Variants in FRMPD1 observed in about 807,000 individuals in gnomAD.
FRMPD1 encodes FERM and PDZ domain-containing protein 1.
FRMPD1 carries 76 observed loss-of-function variants against 117.8 expected under a neutral mutation model. The ratio of observed to expected loss-of-function variants is 0.65; its 90% CI spans 0.54 to 0.78. The LOEUF is 0.78. FRMPD1 is among the 30% of genes least tolerant of loss of function. The pLI, the probability that FRMPD1 is intolerant of heterozygous loss-of-function variation, is 0.00. For synonymous variants in FRMPD1, 783 were observed against 770.4 expected (o/e 1.02, Z -0.27); for missense variants, 1,786 against 1,964.5 (o/e 0.91, Z 1.72).
At chr9:37,629,788 C>A in the FRMPD1 span, among the ~76,000 whole-genome samples, 90,097 of 151,982 alleles carry the variant, frequency 0.59, 27,772 homozygotes, top group Non-Finnish European at 0.68. Flanking sequence ...GCCTGCCCTG[C>A]CTTCCTCCTG....
intron 2 of FRMPD1, among the ~76,000 whole-genome samples, chr9:37,706,650 A>G (rs1290729935): frequency 6.6e-6 from 1 of 152,220 alleles, no homozygotes; most frequent in Non-Finnish European, 1.5e-5. Context: ...GCTTTTAAGG[A>G]ACATACATGT....
chr9:37,675,206 C>A (rs1187583177), intron 1 of FRMPD1, among the ~76,000 whole-genome samples: 2 of 151,960 alleles, frequency 1.3e-5, no homozygotes, highest in Admixed American at 6.6e-5. Flanking sequence ...TTGGATCACT[C>A]TAAGTCAGGA....
chr9:37,634,944 T>C, the FRMPD1 span, among the ~76,000 whole-genome samples: 1 of 152,108 alleles, frequency 6.6e-6, no homozygotes, highest in Non-Finnish European at 1.5e-5. Flanking sequence ...TGTGTTCTTA[T>C]TGTTCTGGAG....
the FRMPD1 span, among the ~76,000 whole-genome samples, chr9:37,623,584 G>A: frequency 3.7e-3 from 558 of 152,308 alleles, 4 homozygotes; most frequent in African/African-American, 0.012. Flanking sequence ...AAGACATAGG[G>A]GAGTCATAGA....
chr9:37,662,713 T>A (rs1012609475), intron 1 of FRMPD1, among the ~76,000 whole-genome samples: 1 of 152,048 alleles, frequency 6.6e-6, no homozygotes, highest in African/African-American at 2.4e-5. Flanking sequence ...GTATGGAAAA[T>A]CCCAGCAGAG....
chr9:37,730,914 T>C (rs1823846934), intron 8 of FRMPD1, 70 bp from the exon 9 acceptor site: 1 of 1,487,564 alleles, frequency 6.7e-7, no homozygotes, highest in East Asian at 2.3e-5. Flanking sequence ...TTTTATAGAG[T>C]GGTTTTGTGG....
At chr9:37,645,163 T>C in the FRMPD1 span, among the ~76,000 whole-genome samples, 13 of 150,766 alleles carry the variant, frequency 8.6e-5, no homozygotes, top group African/African-American at 2.9e-4. Context: ...GAGTAATAGA[T>C]GCTGAACCCA....
At position 37,745,334 on chromosome 9, in the gene FRMPD1, A is replaced by C. The variant is rs757378854; in HGVS notation, c.3302A>C (p.Lys1101Thr). The change falls in exon 16 of 16, where the codon AAG (lysine) becomes ACG (threonine). Residue 1101 changes from lysine to threonine, a missense_variant. Lys to Thr is a moderately conservative substitution (Grantham distance 78). Transcript: ENST00000377765. ...GAGAAGATAGCTTCTATCCCTACAA[A>C]GGAAGAGCCACAAGGACAACTATCT... ...PGEKIASIPTKEEPQGQLSLE... is the reference protein window; with the variant it reads ...PGEKIASIPTTEEPQGQLSLE... 8 of 1,612,712 alleles carry C rather than the reference A, an allele frequency of 5.0e-6. No individual in the cohort carries two copies. The highest frequency in any genetic ancestry group is 1.7e-6 in the Non-Finnish European group (2 of 1,178,656).
the FRMPD1 span, among the ~76,000 whole-genome samples, chr9:37,604,395 T>C: frequency 1.3e-5 from 2 of 152,168 alleles, no homozygotes; most frequent in Admixed American, 6.5e-5. Flanking sequence ...AACAGCGTGA[T>C]TGTTAAAAAT....
intron 2 of FRMPD1, among the ~76,000 whole-genome samples, chr9:37,698,068 C>T (rs189390072): frequency 6.6e-5 from 10 of 151,918 alleles, no homozygotes; most frequent in South Asian, 2.1e-4. Flanking sequence ...GAGCCAAGAT[C>T]GTGCCACTGC....
At chr9:37,645,863 A>G in the FRMPD1 span, among the ~76,000 whole-genome samples, 6,014 of 152,292 alleles carry the variant, frequency 0.039, 416 homozygotes, top group African/African-American at 0.14. Flanking sequence ...CTTTGTGACT[A>G]TAACACTTTA....
the FRMPD1 span, among the ~76,000 whole-genome samples, chr9:37,633,722 A>G: frequency 2.6e-5 from 4 of 152,204 alleles, no homozygotes; most frequent in African/African-American, 9.7e-5. Flanking sequence ...TTAGCTGGGC[A>G]TGGTAGCATG....
chr9:37,667,062 C>CTTTTTTTTTTTTTTTTTTTT (rs573955616), intron 1 of FRMPD1, among the ~76,000 whole-genome samples: 3 of 111,054 alleles, frequency 2.7e-5, no homozygotes, highest in Admixed American at 9.7e-5. Context: ...TTGAAGCATG[C>CTTTTTTTTTTTTTTTTTTTT]TTTTTTTTTT....
chr9:37,606,456 A>G, the FRMPD1 span, among the ~76,000 whole-genome samples: 3 of 152,156 alleles, frequency 2.0e-5, no homozygotes, highest in South Asian at 2.1e-4. Context: ...GACAAACTTT[A>G]TGGTCACACT....
intron 5 of FRMPD1, among the ~76,000 whole-genome samples, chr9:37,713,079 A>G (rs888488727): frequency 1.3e-5 from 2 of 152,010 alleles, no homozygotes; most frequent in South Asian, 2.1e-4. Context: ...ATTAATATAT[A>G]TACTTAATAC....
At position 37,746,749 on chromosome 9, in the gene FRMPD1, C is replaced by G. The variant is rs150663101; in HGVS notation, c.4717C>G (p.Arg1573Gly). Reference protein sequence around the residue: ...AAVFCLTQKFRASTAL With the variant: ...AAVFCLTQKFGASTAL ...CGTGTTCTGTTTGACCCAGAAGTTC[C>G]GGGCATCCACGGCCCTGTAAACAGG... The change falls in exon 16 of 16, where the codon CGG (arginine) becomes GGG (glycine). Residue 1573 changes from arginine to glycine, a missense_variant. Transcript: ENST00000377765. 174 of 1,613,722 alleles carry G rather than the reference C, an allele frequency of 1.1e-4. No individual in the cohort carries two copies. The highest frequency in any genetic ancestry group is 1.4e-4 in the Non-Finnish European group (160 of 1,179,916).
At chr9:37,711,943 G>A (rs1180793308) in intron 5 of FRMPD1, among the ~76,000 whole-genome samples, 3 of 152,154 alleles carry the variant, frequency 2.0e-5, no homozygotes, top group African/African-American at 4.8e-5. Context: ...TTTAGGGAAA[G>A]TATATAATCA....
In FRMPD1 at chr9:37,745,618, C is replaced by G. The variant is rs746720540; in HGVS notation, c.3586C>G (p.Gln1196Glu). ...REPPGQGCQA[Q>E]EQKLFVELDL... ...ACCCCCAGGGCAAGGCTGCCAGGCTCAAGAACAAAAACTATTCGTAGAGTT... is the reference window on the plus strand; with the variant it reads ...ACCCCCAGGGCAAGGCTGCCAGGCTGAAGAACAAAAACTATTCGTAGAGTT... The change falls in exon 16 of 16, where the codon CAA becomes GAA. Residue 1196 changes from glutamine to glutamate, a missense_variant. Transcript: ENST00000377765. 1 of 1,614,190 alleles carries G rather than the reference C, an allele frequency of 6.2e-7. No individual in the cohort carries two copies. The highest frequency in any genetic ancestry group is 1.6e-4 in the Middle Eastern group (1 of 6,062).
chr9:37,604,993 T>C, the FRMPD1 span, among the ~76,000 whole-genome samples: 3 of 152,230 alleles, frequency 2.0e-5, no homozygotes, highest in African/African-American at 4.8e-5. Context: ...AAGTCAGGCA[T>C]AGAGAGGTTA....
Sources: gnomAD v4.1 joint callset for allele counts (sites outside exome capture counted in the v4.1 genomes callset) on GRCh38, gnomAD v4.1.1 for gene constraint, MANE v1.5 for transcripts, NCBI Gene and HGNC (gene_info 2026-07-23, HGNC 2026-07-21) for gene names.